The following LRP1B variants were observed in gnomAD, a reference collection of about 807,000 sequenced individuals.
LRP1B encodes the protein low-density lipoprotein receptor-related protein 1B.
LRP1B carries 217 observed loss-of-function variants against 556.6 expected under a neutral mutation model. The ratio of observed to expected loss-of-function variants is 0.39; its 90% CI spans 0.35 to 0.44. LRP1B has a LOEUF of 0.44. Among genes scored for constraint, LRP1B ranks in the 20% least tolerant of loss-of-function variants. LRP1B has a pLI of 1.00. For missense variants in LRP1B, 5,053 were observed against 5,620.8 expected (o/e 0.90, Z 3.23); for synonymous variants, 2,047 against 1,865.8 (o/e 1.10, Z -2.50).
intron 31 of LRP1B, among the ~76,000 whole-genome samples, chr2:140,817,944 G>A (rs547028600): frequency 6.6e-6 from 1 of 152,166 alleles, no homozygotes; most frequent in African/African-American, 2.4e-5. Context: ...TGATCCCAGA[G>A]CCCCAGTCCA....
intron 1 of LRP1B, among the ~76,000 whole-genome samples, chr2:141,936,922 C>A (rs1700651301): frequency 6.8e-6 from 1 of 147,536 alleles, no homozygotes; most frequent in Non-Finnish European, 1.5e-5. Flanking sequence ...TTTTTTTTCA[C>A]TTTCCACCAT....
intron 12 of LRP1B, among the ~76,000 whole-genome samples, chr2:141,019,259 T>C (rs1697997953): frequency 6.6e-6 from 1 of 152,094 alleles, no homozygotes; most frequent in Admixed American, 6.6e-5. Flanking sequence ...ATGATGTCCC[T>C]ATATGGAAAT....
chr2:142,086,650 A>AAC (rs1705944097), intron 1 of LRP1B, among the ~76,000 whole-genome samples: 2 of 148,292 alleles, frequency 1.3e-5, no homozygotes, highest in African/African-American at 2.5e-5. Flanking sequence ...CAAAAAAAAA[A>AAC]CACAACTTGT....
chr2:141,686,545 G>A (rs1028849593), intron 2 of LRP1B, among the ~76,000 whole-genome samples: 4 of 151,678 alleles, frequency 2.6e-5, no homozygotes, highest in African/African-American at 9.7e-5. Context: ...GTCATCAATG[G>A]GCTACTATCA....
chr2:141,889,477 A>G (rs1699216482), intron 1 of LRP1B, among the ~76,000 whole-genome samples: 1 of 152,172 alleles, frequency 6.6e-6, no homozygotes. Context: ...AGGAGATAGA[A>G]CAAGGGTACA....
At chr2:142,030,961 T>C (rs1382009000) in intron 1 of LRP1B, among the ~76,000 whole-genome samples, 2 of 151,950 alleles carry the variant, frequency 1.3e-5, no homozygotes, top group Non-Finnish European at 2.9e-5. Flanking sequence ...GATGTCGCAA[T>C]TTTGTTCTTA....
Position 140,886,323 on chromosome 2 carries a change from G to A in LRP1B, c.3779C>T (p.Ala1260Val), listed in dbSNP as rs1187643609. 6.4e-7 allele frequency: 1 copy of A among 1,565,814 alleles called. No homozygotes were observed. The highest frequency in any genetic ancestry group is 8.7e-7 in the Non-Finnish European group (1 of 1,153,704). ...ESCTSVDPFE[A>V]FIIFSIRHEI... ...ATGACGAATAGAAAAGATGATGAAT[G>A]CTTCAAAAGGATCTGAAATTAAATT... The change falls in exon 24 of 91, where the codon GCA becomes GTA. Residue 1260 changes from alanine (A) to valine (V), a missense_variant. By Grantham distance (64) the Ala-to-Val change is moderately conservative (BLOSUM62 0). Around this residue, in one of 5 missense-constraint regions of LRP1B, gnomAD observed 3,619 missense variants for 3,931.9 expected, o/e 0.92. Transcript: ENST00000389484.
chr2:140,425,567 C>T (rs998652659), intron 66 of LRP1B, among the ~76,000 whole-genome samples: 4 of 152,166 alleles, frequency 2.6e-5, no homozygotes, highest in Non-Finnish European at 5.9e-5. Context: ...CCCACAACCA[C>T]ACCTGGCTAA....
intron 2 of LRP1B, among the ~76,000 whole-genome samples, chr2:141,526,932 T>G (rs2105184395): frequency 6.6e-6 from 1 of 152,170 alleles, no homozygotes; most frequent in Non-Finnish European, 1.5e-5. Flanking sequence ...GGTTTTAGAA[T>G]CCGGATTACA....
rs888334437 is a variant in LRP1B at position 140,477,336 on chromosome 2, A to G, written c.9426-1999T>C. 4.6e-5 allele frequency among the ~76,000 whole-genome samples: 7 copies of G among 152,210 alleles called. 1 individual carries two copies. Among genetic ancestry groups the G allele is most frequent in the Admixed American group, 3.9e-4 (6 of 15,294 alleles). On this transcript the variant is annotated intron_variant, in intron 59 of 90. Transcript: ENST00000389484. ...TATGATTAAATTTATTTGTGCTTCT[A>G]TATACCATGTTATGTTTTTTAAGAA...
rs1165587832 is a variant in LRP1B at position 140,385,829 on chromosome 2, A to C, written c.10531+64T>G. The C allele has an allele frequency of 6.5e-6, 7 of 1,074,216 alleles. No individual in the cohort carries two copies. The African/African-American group carries it at 1.1e-4, about 17-fold the overall frequency. The allele number at this position is 1,074,216 out of a possible 1,614,324, so 66.5% of individuals were successfully genotyped here. ...AATTTATACCTTAACAGAACTAAAA[A>C]TTGCCATCCTGCTTATTGAATGGGC... On this transcript the variant is annotated intron_variant, in intron 67 of 90. Coordinates refer to ENST00000389484, the MANE Select transcript of LRP1B (RefSeq NM_018557.3).
chr2:141,065,652 T>C (rs1017058059), intron 7 of LRP1B, among the ~76,000 whole-genome samples: 3 of 152,030 alleles, frequency 2.0e-5, no homozygotes, highest in South Asian at 2.1e-4. Context: ...TGCAATGATT[T>C]TGCACTTTAT....
At chr2:140,803,587 C>A (rs1424333844) in intron 32 of LRP1B, among the ~76,000 whole-genome samples, 4 of 151,904 alleles carry the variant, frequency 2.6e-5, no homozygotes, top group Non-Finnish European at 4.4e-5. Flanking sequence ...CATGAGCCAC[C>A]ACACCTGGCT....
chr2:140,249,933 C>G (rs143079755), intron 86 of LRP1B, among the ~76,000 whole-genome samples: 3 of 151,990 alleles, frequency 2.0e-5, no homozygotes, highest in African/African-American at 7.2e-5. Flanking sequence ...ATCAAAATCT[C>G]CTGTCCAATT....
chr2:140,694,865 AATTTT>A (rs1427504780), intron 41 of LRP1B, among the ~76,000 whole-genome samples: 70 of 152,188 alleles, frequency 4.6e-4, no homozygotes, highest in Non-Finnish European at 4.7e-4. Context: ...ATTACTTTTT[AATTTT>A]AATTATAGTG....
intron 1 of LRP1B, among the ~76,000 whole-genome samples, chr2:141,881,291 T>C (rs1698950397): frequency 6.6e-6 from 1 of 152,146 alleles, no homozygotes; most frequent in African/African-American, 2.4e-5. Context: ...ATGTATTATT[T>C]AAAGTTTCAA....
intron 32 of LRP1B, among the ~76,000 whole-genome samples, chr2:140,789,618 CTTTTTTT>C (rs756120273): frequency 1.4e-5 from 1 of 71,754 alleles, no homozygotes; most frequent in African/African-American, 6.1e-5. Context: ...GCTTTAAGGA[CTTTTTTT>C]TTTTTTTTTT....
chr2:141,000,528 C>G (rs1697387071), intron 15 of LRP1B, among the ~76,000 whole-genome samples: 1 of 152,022 alleles, frequency 6.6e-6, no homozygotes, highest in African/African-American at 2.4e-5. Flanking sequence ...GGAGATGCCA[C>G]AGGCTTCTCT....
Position 141,952,474 on chromosome 2 carries a change from T to G in LRP1B, c.83-142073A>C, listed in dbSNP as rs116825260. On this transcript the variant is annotated intron_variant, in intron 1 of 90. Coordinates refer to ENST00000389484, the MANE Select transcript of LRP1B (RefSeq NM_018557.3). ...ATTAATTTATAGTTTTACTACAGTT[T>G]GTAGTGAAACATGATGTTTCTTGTT... 6.6e-5 allele frequency among the ~76,000 whole-genome samples: 10 copies of G among 152,214 alleles called. No homozygotes were observed. In the South Asian group the frequency reaches 2.1e-3, roughly 32 times the overall value.
Sources: allele counts gnomAD v4.1 joint callset (sites outside exome capture counted in the v4.1 genomes callset), GRCh38; gene constraint gnomAD v4.1.1; regional missense constraint gnomAD v4.1.1; transcripts MANE v1.5; gene names NCBI Gene and HGNC (gene_info 2026-07-23, HGNC 2026-07-21).